Variants in MGAT4C observed in about 807,000 individuals in gnomAD.
The protein encoded by MGAT4C is MGAT4 family member C, also known as alpha-1,3-mannosyl-glycoprotein 4-beta-N-acetylglucosaminyltransferase C.
A neutral mutation model predicts 40.1 loss-of-function variants in MGAT4C; 19 were observed. The observed-to-expected ratio is 0.47, with a 90% CI of 0.33 to 0.70. The LOEUF (loss-of-function observed/expected upper bound fraction) is 0.70. Among genes scored for constraint, MGAT4C ranks in the 30% least tolerant of loss-of-function variants. The pLI is 0.02. For missense variants in MGAT4C, 491 were observed against 563.2 expected (o/e 0.87, Z 1.30); for synonymous variants, 181 against 187.1 (o/e 0.97, Z 0.27).
intron 1 of MGAT4C, among the ~76,000 whole-genome samples, chr12:86,142,797 G>A (rs1883021735): frequency 6.6e-6 from 1 of 150,618 alleles, no homozygotes; most frequent in Non-Finnish European, 1.5e-5. Flanking sequence ...ATATATTACT[G>A]TGGATTCAGT....
intron 1 of MGAT4C, among the ~76,000 whole-genome samples, chr12:86,225,601 T>A (rs568124482): frequency 2.6e-5 from 4 of 152,134 alleles, no homozygotes; most frequent in Non-Finnish European, 2.9e-5. Context: ...TGCACCATGA[T>A]AAAGTGTGAT....
chr12:86,635,095 C>T (rs1963178193), intron 2 of MGAT4C, among the ~76,000 whole-genome samples: 1 of 152,110 alleles, frequency 6.6e-6, no homozygotes, highest in African/African-American at 2.4e-5. Context: ...AATTCAGTTG[C>T]TTCCACTGTT....
chr12:86,280,542 T>C (rs182315185), intron 4 of MGAT4C, among the ~76,000 whole-genome samples: 1 of 152,054 alleles, frequency 6.6e-6, no homozygotes, highest in Admixed American at 6.6e-5. Flanking sequence ...AATGCATATC[T>C]TTTCAGAAAT....
intron 1 of MGAT4C, among the ~76,000 whole-genome samples, chr12:86,166,820 A>T (rs2135816911): frequency 6.6e-6 from 1 of 152,320 alleles, no homozygotes; most frequent in Admixed American, 6.5e-5. Flanking sequence ...TAAATAAAGC[A>T]AAATAACTCA....
chr12:86,220,912 G>A (rs568156646), intron 1 of MGAT4C, among the ~76,000 whole-genome samples: 37 of 152,226 alleles, frequency 2.4e-4, no homozygotes, highest in Middle Eastern at 3.4e-3. Context: ...TTAGAAATCC[G>A]TCTCAAATAT....
In MGAT4C at chr12:86,308,824, A is replaced by T. The variant is rs76626984; in HGVS notation, c.-57+25241T>A. 4.0e-5 allele frequency among the ~76,000 whole-genome samples: 6 copies of T among 150,576 alleles called. 1 individual carries two copies. In the East Asian group the frequency reaches 1.2e-3, roughly 29 times the overall value. On this transcript the variant is annotated intron_variant, in intron 4 of 7. Coordinates refer to the MGAT4C transcript ENST00000548651. ...ATATACATTATTTCACTTGATGTTT[A>T]CAAAAATTTTTGATGTCAGATTGTG...
At chr12:86,750,416 A>C (rs1375367104) in intron 1 of MGAT4C, among the ~76,000 whole-genome samples, 2 of 151,836 alleles carry the variant, frequency 1.3e-5, no homozygotes, top group African/African-American at 4.8e-5. Flanking sequence ...AATCATTTTA[A>C]ACTAGATCTG....
At chr12:85,982,883 G>A (rs1293075880) in intron 4 of MGAT4C, among the ~76,000 whole-genome samples, 1 of 152,190 alleles carries the variant, frequency 6.6e-6, no homozygotes, top group Admixed American at 6.5e-5. Flanking sequence ...AAGACAAAGA[G>A]AAGAAGGCCA....
chr12:86,011,507 A>G (rs1888458837), intron 2 of MGAT4C, among the ~76,000 whole-genome samples: 1 of 152,218 alleles, frequency 6.6e-6, no homozygotes, highest in African/African-American at 2.4e-5. Context: ...ACCATCAACC[A>G]GTATAATTCA....
chr12:86,404,695 G>A (rs557721664), intron 3 of MGAT4C, among the ~76,000 whole-genome samples: 33 of 152,076 alleles, frequency 2.2e-4, no homozygotes, highest in African/African-American at 2.7e-4. Context: ...CACAGAAAAC[G>A]AATACACCCA....
intron 1 of MGAT4C, among the ~76,000 whole-genome samples, chr12:86,747,476 C>A (rs1389903623): frequency 6.6e-6 from 1 of 151,514 alleles, no homozygotes; most frequent in Non-Finnish European, 1.5e-5. Flanking sequence ...AATTATTTCT[C>A]TTTAAAATTG....
At chr12:86,557,940 A>G (rs974573439) in intron 2 of MGAT4C, among the ~76,000 whole-genome samples, 4 of 152,150 alleles carry the variant, frequency 2.6e-5, no homozygotes, top group Non-Finnish European at 5.9e-5. Flanking sequence ...GTGAGTTACA[A>G]AAGAACACAG....
At chr12:86,199,179 A>C (rs375649278) in intron 1 of MGAT4C, among the ~76,000 whole-genome samples, 3 of 152,108 alleles carry the variant, frequency 2.0e-5, no homozygotes, top group Non-Finnish European at 4.4e-5. Context: ...ATAACTTTTG[A>C]TATGCCAATA....
Position 86,351,016 on chromosome 12 carries a change from A to G in MGAT4C, c.-119-16889T>C, listed in dbSNP as rs561068168. On this transcript the variant is annotated intron_variant, in intron 3 of 7. Transcript: ENST00000548651. The stretch of plus-strand genomic sequence containing the variant: ...ACCCAGTTCAAATATATGATATGGA[A>G]TATTAAATATATTGATTGATATTAA... Among the ~76,000 whole-genome samples, 147 of 151,888 alleles carry G rather than the reference A, an allele frequency of 9.7e-4. 4 individuals are homozygous for G. Among genetic ancestry groups the G allele is most frequent in the South Asian group, 8.3e-4 (4 of 4,832 alleles).
At chr12:86,778,969 T>C (rs1951787286) in intron 1 of MGAT4C, among the ~76,000 whole-genome samples, 1 of 150,036 alleles carries the variant, frequency 6.7e-6, no homozygotes, top group South Asian at 2.1e-4. Flanking sequence ...GTATTTTAAA[T>C]TATATAATAT....
chr12:86,714,817 A>AAG (rs1950618567), intron 2 of MGAT4C, among the ~76,000 whole-genome samples: 1 of 87,432 alleles, frequency 1.1e-5, no homozygotes, highest in East Asian at 4.8e-4. Flanking sequence ...AAGGAAGGAA[A>AAG]GAATTAAAGT....
At position 86,168,636 on chromosome 12, in the gene MGAT4C, G is replaced by A. The variant is rs12369987; in HGVS notation, c.-57+87603C>T. Among the ~76,000 whole-genome samples, 623 of 152,200 alleles carry A rather than the reference G, an allele frequency of 4.1e-3. 3 individuals are homozygous for A. Among genetic ancestry groups the A allele is most frequent in the Non-Finnish European group, 7.4e-3 (502 of 67,980 alleles). On this transcript the variant is annotated intron_variant, in intron 1 of 4. Transcript: ENST00000611864. The stretch of plus-strand genomic sequence containing the variant: ...CCTGTTCAGTAAAGGACGTTATTGA[G>A]ACAAATGGAGAAATTAATAAAATCT...
chr12:86,526,726 G>C (rs889791850), intron 2 of MGAT4C, among the ~76,000 whole-genome samples: 1 of 152,198 alleles, frequency 6.6e-6, no homozygotes, highest in Non-Finnish European at 1.5e-5. Context: ...TTAAGCCTAG[G>C]GGGAGGGCCA....
intron 2 of MGAT4C, among the ~76,000 whole-genome samples, chr12:86,032,832 C>A (rs930931248): frequency 3.3e-5 from 5 of 149,744 alleles, no homozygotes; most frequent in African/African-American, 1.2e-4. Flanking sequence ...GTCATGAAAT[C>A]TTTGCCAGGT....
Sources: allele counts gnomAD v4.1 joint callset (sites outside exome capture counted in the v4.1 genomes callset), GRCh38; gene constraint gnomAD v4.1.1; transcripts MANE v1.5; gene names NCBI Gene and HGNC (gene_info 2026-07-23, HGNC 2026-07-21).